SETD2: variants seen among roughly 807,000 people sequenced by gnomAD.
SETD2 encodes the protein SET domain containing 2, histone lysine methyltransferase, also known as histone-lysine N-methyltransferase SETD2.
SETD2 carries 31 observed loss-of-function variants against 242.1 expected under a neutral mutation model. The ratio of observed to expected loss-of-function variants is 0.13; its 90% CI spans 0.10 to 0.17. SETD2 has a LOEUF of 0.17. Ranked by LOEUF, SETD2 falls within the 10% of genes least tolerant of loss-of-function variation. The probability of loss-of-function intolerance (pLI) is 1.00; values close to 1 mark genes in which losing one functional copy is unlikely to be tolerated. For missense variants in SETD2, 2,481 were observed against 3,046.3 expected (o/e 0.81, Z 4.37); for synonymous variants, 1,006 against 1,066.5 (o/e 0.94, Z 1.11).
intron 17 of SETD2, chr3:47,041,331 G>A (rs1351385899): frequency 4.6e-6 from 2 of 435,176 alleles, no homozygotes; most frequent in Non-Finnish European, 9.1e-6. Flanking sequence ...CAGCCCTGCA[G>A]CAAAGTATAA....
chr3:47,062,809 G>A (rs1022333041), intron 13 of SETD2, among the ~76,000 whole-genome samples: 6 of 151,810 alleles, frequency 4.0e-5, no homozygotes, highest in South Asian at 4.1e-4. Flanking sequence ...TTAAAGGTAC[G>A]CATGGTGGCT....
At chr3:47,065,289 A>G (rs1012580618) in intron 13 of SETD2, among the ~76,000 whole-genome samples, 4 of 152,142 alleles carry the variant, frequency 2.6e-5, no homozygotes, top group African/African-American at 9.7e-5. Flanking sequence ...AAGACAAACA[A>G]TGGTGCAAAG....
At chr3:47,097,578 T>C (rs1185620259) in intron 9 of SETD2, among the ~76,000 whole-genome samples, 1 of 152,180 alleles carries the variant, frequency 6.6e-6, no homozygotes, top group Non-Finnish European at 1.5e-5. Context: ...AAAGAGGATT[T>C]TCAGAGATTT....
rs777292240 is a variant in SETD2, at chr3:47,114,011, T to C, written c.4587-7A>G. On this transcript the variant is annotated splice_polypyrimidine_tract_variant and splice_region_variant and intron_variant, in intron 4 of 20. Coordinates refer to ENST00000409792, the MANE Select transcript of SETD2 (RefSeq NM_014159.7). Reference sequence around the variant, plus strand: ...ATTTGGACACCGAGAAGAACTGAAATGAGAAAAGGAGGAAATTTAATTCTT... The same window carrying C: ...ATTTGGACACCGAGAAGAACTGAAACGAGAAAAGGAGGAAATTTAATTCTT... The C allele has an allele frequency of 6.9e-6, 11 of 1,591,426 alleles. No individual in the cohort carries two copies. The highest frequency in any genetic ancestry group is 4.1e-5 in the African/African-American group (3 of 72,548).
intron 9 of SETD2, among the ~76,000 whole-genome samples, chr3:47,095,176 C>T (rs1048920939): frequency 6.6e-6 from 1 of 152,196 alleles, no homozygotes; most frequent in African/African-American, 2.4e-5. Context: ...TGCTCTGTAG[C>T]CTAGGCTGGA....
intron 7 of SETD2, 40 bp from the exon 8 acceptor site, chr3:47,101,595 TTA>T (rs1559720530): frequency 1.9e-6 from 2 of 1,077,148 alleles, no homozygotes; most frequent in East Asian, 2.4e-5. Flanking sequence ...TAGTAACTTA[TTA>T]GTGTGTGTGT....
intron 1 of SETD2, among the ~76,000 whole-genome samples, chr3:47,158,682 G>C (rs1697389485): frequency 6.6e-6 from 1 of 152,134 alleles, no homozygotes; most frequent in South Asian, 2.1e-4. Flanking sequence ...CAGTATCCTA[G>C]TAGCAGTTAA....
At chr3:47,157,012 A>C (rs2044140950) in intron 1 of SETD2, among the ~76,000 whole-genome samples, 1 of 151,968 alleles carries the variant, frequency 6.6e-6, no homozygotes, top group Admixed American at 6.6e-5. Flanking sequence ...TCACGACTAT[A>C]ATCCCAGCAC....
chr3:47,115,281 C>T (rs923278110), intron 4 of SETD2, among the ~76,000 whole-genome samples: 2 of 151,964 alleles, frequency 1.3e-5, no homozygotes, highest in Non-Finnish European at 2.9e-5. Flanking sequence ...TGAGAACAAC[C>T]GAGAACTACC....
At chr3:47,164,214 C>T (rs1019062885), upstream of SETD2, among the ~76,000 whole-genome samples, 8 of 152,218 alleles carry the variant, frequency 5.3e-5, no homozygotes, top group East Asian at 1.5e-3. This position sits in a 1 kb window ranked among gnomAD's most constrained non-coding sequence, Gnocchi z 5.4. Flanking sequence ...CGATCTGCCG[C>T]CAGTCGGCGT....
At chr3:47,088,291 C>CAAA (rs748501527) in intron 9 of SETD2, 44 bp from the exon 10 acceptor site, 47 of 1,160,634 alleles carry the variant, frequency 4.0e-5, no homozygotes, top group Admixed American at 8.2e-5. Flanking sequence ...ACAACAACAA[C>CAAA]AAAAAAAAAA....
At chr3:47,073,453 A>G (rs921716974) in intron 12 of SETD2, among the ~76,000 whole-genome samples, 1 of 152,208 alleles carries the variant, frequency 6.6e-6, no homozygotes, top group African/African-American at 2.4e-5. Context: ...GGGAAGCGCA[A>G]GTAGGTCAAA....
At chr3:47,069,388 G>A (rs2040712969) in intron 12 of SETD2, among the ~76,000 whole-genome samples, 1 of 152,288 alleles carries the variant, frequency 6.6e-6, no homozygotes, top group South Asian at 2.1e-4. Context: ...CATTAGAGCT[G>A]TGATTCTCTA....
At chr3:47,163,811 A>G in intron 1 of SETD2, 43 bp downstream of exon 1, 1 of 1,240,558 alleles carries the variant, frequency 8.1e-7, no homozygotes, top group Non-Finnish European at 1.0e-6. Flanking sequence ...GGCTGGGGAT[A>G]AGGCGGCCGA....
intron 1 of SETD2, among the ~76,000 whole-genome samples, chr3:47,128,267 T>C (rs1166023578): frequency 6.6e-6 from 1 of 152,202 alleles, no homozygotes; most frequent in African/African-American, 2.4e-5. Flanking sequence ...CGCAGCTCTC[T>C]GGGTTATGTT....
At position 47,084,271 on chromosome 3, in the gene SETD2, A is replaced by G. The variant is rs146259664; in HGVS notation, c.5509T>C (p.Leu1837=). The G allele has an allele frequency of 3.0e-5, 49 of 1,613,972 alleles. No individual in the cohort carries two copies. The highest frequency in any genetic ancestry group is 4.2e-5 in the Non-Finnish European group (49 of 1,179,994). The change falls in exon 12 of 21, where the codon TTG becomes CTG. Residue 1837 remains leucine, a synonymous_variant. Coordinates refer to ENST00000409792, the MANE Select transcript of SETD2 (RefSeq NM_014159.7). ...WSQTKTAVPP[L]SEGDGYSSEN... ...CTAGAATACCCATCTCCTTCACTCA[A>G]CGGAGGGACAGCAGTCTTAGTCTGA...
At chr3:47,065,950 GA>G (rs1276362836) in intron 13 of SETD2, among the ~76,000 whole-genome samples, 1 of 152,094 alleles carries the variant, frequency 6.6e-6, no homozygotes, top group Non-Finnish European at 1.5e-5. Context: ...TCAAAGTTTT[GA>G]ACTTGCCTCA....
At chr3:47,066,594 C>T (rs1297858420) in intron 13 of SETD2, among the ~76,000 whole-genome samples, 1 of 152,218 alleles carries the variant, frequency 6.6e-6, no homozygotes, top group African/African-American at 2.4e-5. Context: ...AGCAATCCAC[C>T]TGCTTCAACT....
intron 9 of SETD2, among the ~76,000 whole-genome samples, chr3:47,093,078 CT>C (rs2041868411): frequency 6.6e-6 from 1 of 151,972 alleles, no homozygotes; most frequent in Non-Finnish European, 1.5e-5. Flanking sequence ...TTTAATTTTA[CT>C]TTAAGTTCTG....
Sources: gnomAD v4.1 joint callset for allele counts (sites outside exome capture counted in the v4.1 genomes callset) on GRCh38, gnomAD v4.1.1 for gene constraint, Gnocchi (gnomAD v3.1) non-coding constraint, MANE v1.5 for transcripts, NCBI Gene and HGNC (gene_info 2026-07-23, HGNC 2026-07-21) for gene names.